Variants in PPARGC1A observed in about 807,000 individuals in gnomAD.
PPARGC1A encodes the protein PPARG coactivator 1 alpha.
Under a neutral mutation model 88.7 loss-of-function variants are expected in PPARGC1A, and 25 were observed. The observed-to-expected ratio is 0.28, with a 90% confidence interval of 0.21 to 0.39. The LOEUF is 0.39. Among genes scored for constraint, PPARGC1A ranks in the 10% least tolerant of loss-of-function variants. The pLI, the probability that PPARGC1A is intolerant of heterozygous loss-of-function variation, is 1.00. For missense variants in PPARGC1A, 880 were observed against 968.7 expected (o/e 0.91, Z 1.22); for synonymous variants, 363 against 355.6 (o/e 1.02, Z -0.24).
rs147196154 is a variant in PPARGC1A at position 23,851,524 on chromosome 4, C to T, written c.235-19773G>A. 6.6e-5 allele frequency among the ~76,000 whole-genome samples: 10 copies of T among 152,250 alleles called. No individual in the cohort carries two copies. The East Asian group carries it at 1.4e-3, about 21-fold the overall frequency. On this transcript the variant is annotated intron_variant, in intron 2 of 12. Transcript: ENST00000264867. Reference sequence around the variant, plus strand: ...GGCTGAGCACAATATTGAAAAAACACGTGAAAGCAAATGATGTTATCAGTT... The same window carrying T: ...GGCTGAGCACAATATTGAAAAAACATGTGAAAGCAAATGATGTTATCAGTT...
upstream of PPARGC1A, among the ~76,000 whole-genome samples, chr4:23,892,318 A>G (rs1352644339): frequency 2.0e-5 from 3 of 152,210 alleles, no homozygotes; most frequent in African/African-American, 7.2e-5. Context: ...GATGGAATTC[A>G]GAAGTAACAA....
the PPARGC1A span, among the ~76,000 whole-genome samples, chr4:24,126,968 C>T: frequency 8.5e-5 from 13 of 152,294 alleles, no homozygotes; most frequent in South Asian, 1.0e-3. Context: ...TAAAAGGACA[C>T]GTTGGCCTGG....
At chr4:24,007,351 C>T in the PPARGC1A span, among the ~76,000 whole-genome samples, 1 of 152,128 alleles carries the variant, frequency 6.6e-6, no homozygotes. Flanking sequence ...ACATAATGAG[C>T]AGAAACAGAT....
the PPARGC1A span, among the ~76,000 whole-genome samples, chr4:24,123,924 A>AC: frequency 2.7e-5 from 4 of 150,160 alleles, no homozygotes; most frequent in Non-Finnish European, 4.4e-5. Context: ...AAAAAAAAAA[A>AC]ACAAAAAAAA....
chr4:24,027,211 GTGTGTGTC>G, the PPARGC1A span, among the ~76,000 whole-genome samples: 11 of 150,276 alleles, frequency 7.3e-5, no homozygotes, highest in Non-Finnish European at 1.5e-4. Context: ...GTGTGTGTGT[GTGTGTGTC>G]TGTGTGTCTG....
the PPARGC1A span, among the ~76,000 whole-genome samples, chr4:24,228,829 C>G: frequency 6.6e-6 from 1 of 152,078 alleles, no homozygotes; most frequent in East Asian, 1.9e-4. Flanking sequence ...TATCAAAAGT[C>G]GATATTTATC....
the PPARGC1A span, among the ~76,000 whole-genome samples, chr4:24,313,122 C>A: frequency 6.6e-6 from 1 of 152,114 alleles, no homozygotes; most frequent in Non-Finnish European, 1.5e-5. Context: ...ATATTAAATT[C>A]TTTAAGTGCA....
the PPARGC1A span, among the ~76,000 whole-genome samples, chr4:24,159,621 T>G: frequency 6.6e-6 from 1 of 152,196 alleles, no homozygotes; most frequent in Non-Finnish European, 1.5e-5. Flanking sequence ...CCTATAATAG[T>G]TATTGTTAAA....
the PPARGC1A span, among the ~76,000 whole-genome samples, chr4:24,312,433 G>C: frequency 6.6e-6 from 1 of 151,596 alleles, no homozygotes; most frequent in Non-Finnish European, 1.5e-5. Context: ...GAAAGAAGAA[G>C]AGAAAGGATC....
the PPARGC1A span, among the ~76,000 whole-genome samples, chr4:24,046,549 C>T: frequency 3.1e-4 from 47 of 152,058 alleles, 1 homozygote; most frequent in Non-Finnish European, 5.9e-4. Context: ...AACTCGACCA[C>T]TGACTAGCTT....
chr4:23,817,165 C>T (rs952996557), intron 7 of PPARGC1A, among the ~76,000 whole-genome samples: 31 of 152,026 alleles, frequency 2.0e-4, no homozygotes, highest in Admixed American at 6.5e-4. Flanking sequence ...TATTAAAGAG[C>T]GACTGGTTCT....
At chr4:24,315,411 A>G in the PPARGC1A span, among the ~76,000 whole-genome samples, 16 of 152,184 alleles carry the variant, frequency 1.1e-4, no homozygotes, top group Non-Finnish European at 2.1e-4. Context: ...CTGGAAATTC[A>G]TGGTGTTTTA....
chr4:23,861,289 C>T (rs1560463915), intron 2 of PPARGC1A, among the ~76,000 whole-genome samples: 2 of 152,202 alleles, frequency 1.3e-5, no homozygotes, highest in South Asian at 2.1e-4. Flanking sequence ...GAATTACTGA[C>T]GTATCTGAAG....
chr4:24,456,622 TAGAAGGGTG>T, the PPARGC1A span, among the ~76,000 whole-genome samples: 1 of 151,940 alleles, frequency 6.6e-6, no homozygotes, highest in African/African-American at 2.4e-5. Context: ...TGGACAGATA[TAGAAGGGTG>T]AGAGATTAAG....
chr4:24,195,854 T>C, the PPARGC1A span, among the ~76,000 whole-genome samples: 1 of 152,200 alleles, frequency 6.6e-6, no homozygotes, highest in Admixed American at 6.5e-5. Flanking sequence ...TAATGGATTA[T>C]GCTAATAAAG....
chr4:24,213,268 G>T, the PPARGC1A span, among the ~76,000 whole-genome samples: 1 of 149,276 alleles, frequency 6.7e-6, no homozygotes, highest in African/African-American at 2.5e-5. Flanking sequence ...CCGGGTTCAC[G>T]CCATTCTCCT....
At chr4:23,910,312 AATATTAT>A in the PPARGC1A span, among the ~76,000 whole-genome samples, 2 of 47,450 alleles carry the variant, frequency 4.2e-5, no homozygotes, top group East Asian at 3.9e-4. Flanking sequence ...CCCTATATAT[AATATTAT>A]ATATATTATA....
chr4:24,248,218 G>C, the PPARGC1A span, among the ~76,000 whole-genome samples: 1 of 151,924 alleles, frequency 6.6e-6, no homozygotes, highest in African/African-American at 2.4e-5. Flanking sequence ...TCCGCCTCCC[G>C]GGTTCACGCC....
chr4:24,441,516 G>A, the PPARGC1A span, among the ~76,000 whole-genome samples: 184 of 152,200 alleles, frequency 1.2e-3, no homozygotes, highest in Non-Finnish European at 2.1e-3. Flanking sequence ...GGTACCACCC[G>A]GAACAAAATT....
Sources: allele counts gnomAD v4.1 joint callset (sites outside exome capture counted in the v4.1 genomes callset), GRCh38; gene constraint gnomAD v4.1.1; transcripts MANE v1.5; gene names NCBI Gene and HGNC (gene_info 2026-07-23, HGNC 2026-07-21).